COL6A5: variants seen among roughly 807,000 people sequenced by gnomAD.
The protein encoded by COL6A5 is collagen type VI alpha 5 chain, also known as collagen alpha-5(VI) chain.
In COL6A5, 48 loss-of-function variants were observed where a neutral mutation model predicts 65.6. The ratio of observed to expected loss-of-function variants is 0.73; its 90% CI spans 0.58 to 0.93. The LOEUF (loss-of-function observed/expected upper bound fraction) is 0.93, where lower values mean the gene tolerates loss of function less well. COL6A5 is among the 40% of genes least tolerant of loss of function. The pLI, the probability that COL6A5 is intolerant of heterozygous loss-of-function variation, is 0.00. For missense variants in COL6A5, 914 were observed against 928.3 expected, an observed-to-expected ratio of 0.98 and a Z score of 0.20; for synonymous variants, 291 against 322.8, an observed-to-expected ratio of 0.90 and a Z score of 1.05.
intron 28 of COL6A5, among the ~76,000 whole-genome samples, chr3:130,423,567 G>A (rs35665175): frequency 0.047 from 7,191 of 152,132 alleles, 256 homozygotes; most frequent in Middle Eastern, 0.092. Context: ...CTTCCAATTA[G>A]CACCAATCCC....
rs762641324 is a variant in COL6A5, at chr3:130,455,501, A to G, written c.1381A>G (p.Ile461Val). ...GGATTTTTTGGGAGGTAATGGCTTC[A>G]TTGGCCAAGAATTAAATTCTGGGAG... is the stretch of plus-strand genomic sequence containing the variant. Residue 461 changes from isoleucine (I) to valine (V), a missense_variant, in exon 5 of 8, where the codon ATT becomes GTT. Coordinates refer to ENST00000512836, the Ensembl canonical transcript of COL6A5. 1.8e-5 allele frequency: 29 copies of G among 1,612,584 alleles called. 1 individual carries two copies. Among genetic ancestry groups the G allele is most frequent in the Admixed American group, 5.0e-5 (3 of 59,934 alleles).
At chr3:130,361,588 C>T (rs143164200) in intron 1 of COL6A5, among the ~76,000 whole-genome samples, 2 of 152,082 alleles carry the variant, frequency 1.3e-5, no homozygotes, top group East Asian at 3.9e-4. Context: ...GGGTAAATAC[C>T]AGGAAGCGTG....
chr3:130,439,685 G>A, intron 2 of COL6A5, 70 bp downstream of exon 34: 1 of 1,038,244 alleles, frequency 9.6e-7, no homozygotes, highest in Non-Finnish European at 1.4e-6. Flanking sequence ...ATTGAATGTG[G>A]TTTTATCCAG....
chr3:130,438,013 T>C (rs1393740491), intron 1 of COL6A5, among the ~76,000 whole-genome samples: 1 of 152,180 alleles, frequency 6.6e-6, no homozygotes, highest in Admixed American at 6.6e-5. Flanking sequence ...TTGTTTTGTT[T>C]TTGTGAGAAA....
intron 7 of COL6A5, among the ~76,000 whole-genome samples, chr3:130,480,471 G>T (rs955299353): frequency 1.2e-4 from 19 of 152,098 alleles, no homozygotes; most frequent in African/African-American, 4.3e-4. Flanking sequence ...AAGTGGAAGG[G>T]AAATACAAAT....
chr3:130,436,930 C>T (rs963643884), intron 1 of COL6A5, among the ~76,000 whole-genome samples: 1 of 152,130 alleles, frequency 6.6e-6, no homozygotes, highest in Admixed American at 6.6e-5. Flanking sequence ...AGACTGCATC[C>T]TTGAACTCTA....
chr3:130,446,682 G>A (rs548594109), intron 4 of COL6A5, among the ~76,000 whole-genome samples: 29 of 152,192 alleles, frequency 1.9e-4, no homozygotes, highest in Non-Finnish European at 4.0e-4. Flanking sequence ...GGTTTTCATT[G>A]TCAGTATTCA....
chr3:130,416,459 C>T (rs931383844), intron 23 of COL6A5, among the ~76,000 whole-genome samples: 2 of 152,082 alleles, frequency 1.3e-5, no homozygotes, highest in Non-Finnish European at 2.9e-5. Flanking sequence ...TGACAATTTT[C>T]CCACATTTGG....
chr3:130,460,084 C>T (rs183540007), intron 5 of COL6A5, among the ~76,000 whole-genome samples: 1 of 152,062 alleles, frequency 6.6e-6, no homozygotes, highest in East Asian at 1.9e-4. Context: ...TTTACTTGGG[C>T]TAAATTTAAA....
chr3:130,427,144 A>G (rs1002864776), upstream of COL6A5, among the ~76,000 whole-genome samples: 1 of 152,210 alleles, frequency 6.6e-6, no homozygotes, highest in African/African-American at 2.4e-5. Flanking sequence ...ACTTTGAAAA[A>G]TACAGGCATT....
intron 14 of COL6A5, 36 bp downstream of exon 14, chr3:130,405,695 T>C: frequency 6.9e-7 from 1 of 1,441,506 alleles, no homozygotes. Flanking sequence ...TCCAATTCTC[T>C]GTAACATTCT....
rs973014031 is a variant in COL6A5 at position 130,369,233 on chromosome 3, G to T, written c.-28-4378G>T. ...GCTTTTTGCTCCTTTGACTGCAAAA[G>T]GAGAGAAAGATAAATTAAACTTTCT... On this transcript the variant is annotated intron_variant and NMD_transcript_variant, in intron 1 of 41. Coordinates refer to the COL6A5 transcript ENST00000312481. 2.0e-5 allele frequency among the ~76,000 whole-genome samples: 3 copies of T among 152,164 alleles called. No individual in the cohort carries two copies. The South Asian group carries it at 6.2e-4, about 32-fold the overall frequency.
intron 28 of COL6A5, 139 bp from the exon 29 acceptor site, chr3:130,423,699 A>C: frequency 5.3e-6 from 3 of 568,362 alleles, no homozygotes; most frequent in Non-Finnish European, 9.3e-6. Flanking sequence ...TATCACAAGT[A>C]AGCAATTTAC....
intron 26 of COL6A5, 32 bp downstream of exon 26, chr3:130,421,235 TG>T: frequency 6.5e-7 from 1 of 1,546,870 alleles, no homozygotes; most frequent in Non-Finnish European, 8.8e-7. Flanking sequence ...TTTTATTCAT[TG>T]ATGAATCAAA....
intron 27 of COL6A5, 98 bp from the exon 28 acceptor site, chr3:130,422,622 G>A (rs1278303988): frequency 6.7e-6 from 5 of 748,134 alleles, no homozygotes; most frequent in Non-Finnish European, 1.1e-5. Context: ...ATGTATGATT[G>A]TCATAATATC....
chr3:130,440,115 T>A, intron 2 of COL6A5, 51 bp from the exon 35 acceptor site: 7 of 1,425,990 alleles, frequency 4.9e-6, no homozygotes, highest in Non-Finnish European at 6.7e-6. Context: ...CAAACAAGTG[T>A]CTTGTTGGGT....
chr3:130,359,550 T>G (rs1559856489), intron 1 of COL6A5, among the ~76,000 whole-genome samples: 1 of 152,102 alleles, frequency 6.6e-6, no homozygotes, highest in African/African-American at 2.4e-5. Flanking sequence ...TACTTAAAGT[T>G]ATATCAAAAA....
At chr3:130,441,395 C>T (rs1239343731) in intron 3 of COL6A5, among the ~76,000 whole-genome samples, 1 of 152,142 alleles carries the variant, frequency 6.6e-6, no homozygotes, top group Non-Finnish European at 1.5e-5. Context: ...CAGTGCACTA[C>T]AAAGGGTTGC....
At chr3:130,405,332 T>G (rs960919980) in intron 13 of COL6A5, among the ~76,000 whole-genome samples, 2 of 152,192 alleles carry the variant, frequency 1.3e-5, no homozygotes, top group African/African-American at 4.8e-5. Context: ...GTGAAGTGGC[T>G]GAGCTCTTCT....
Sources: allele counts gnomAD v4.1 joint callset (sites outside exome capture counted in the v4.1 genomes callset), GRCh38; gene constraint gnomAD v4.1.1; transcripts MANE v1.5; gene names NCBI Gene and HGNC (gene_info 2026-07-23, HGNC 2026-07-21).